VEPH1: variants seen among roughly 807,000 people sequenced by gnomAD.
VEPH1 encodes the protein ventricular zone expressed PH domain containing 1, also known as ventricular zone-expressed PH domain-containing protein homolog 1.
A neutral mutation model predicts 85.2 loss-of-function variants in VEPH1; 80 were observed. The observed-to-expected ratio is 0.94, with a 90% confidence interval of 0.78 to 1.13. The LOEUF (loss-of-function observed/expected upper bound fraction) is 1.13. VEPH1 is among the 50% of genes most tolerant of loss of function. The probability of loss-of-function intolerance (pLI) is 0.00; values close to 1 mark genes in which losing one functional copy is unlikely to be tolerated. For synonymous variants in VEPH1, 297 were observed against 348.0 expected, an observed-to-expected ratio of 0.85 and a Z score of 1.63; for missense variants, 955 against 980.5, an observed-to-expected ratio of 0.97 and a Z score of 0.35.
At chr3:157,391,310 G>A (rs888648859) in intron 6 of VEPH1, among the ~76,000 whole-genome samples, 1 of 152,238 alleles carries the variant, frequency 6.6e-6, no homozygotes, top group African/African-American at 2.4e-5. Flanking sequence ...GAGAGGCAGA[G>A]AGCCTCCTTT....
intron 4 of VEPH1, among the ~76,000 whole-genome samples, chr3:157,431,721 G>T (rs1733173556): frequency 6.6e-6 from 1 of 151,634 alleles, no homozygotes; most frequent in South Asian, 2.1e-4. Context: ...CCACATTCTT[G>T]CCAACATTTG....
chr3:157,310,959 T>A (rs548870975), intron 11 of VEPH1, among the ~76,000 whole-genome samples: 1 of 152,178 alleles, frequency 6.6e-6, no homozygotes, highest in South Asian at 2.1e-4. Context: ...ATCGCAAGGG[T>A]ATGTGTATCA....
At chr3:157,387,569 G>T (rs1452584977) in intron 6 of VEPH1, among the ~76,000 whole-genome samples, 2 of 152,240 alleles carry the variant, frequency 1.3e-5, no homozygotes, top group Non-Finnish European at 2.9e-5. Context: ...ACCATTTAGG[G>T]CAGCTCTGTA....
chr3:157,271,952 C>T (rs1032470359), intron 12 of VEPH1, among the ~76,000 whole-genome samples: 5 of 152,174 alleles, frequency 3.3e-5, no homozygotes, highest in African/African-American at 1.2e-4. Flanking sequence ...TAATATCAGC[C>T]ATTTAGTCCA....
Position 157,363,690 on chromosome 3 carries a change from C to T in VEPH1, c.1409G>A (p.Arg470Lys), listed in dbSNP as rs1353119120. 6.2e-7 allele frequency: 1 copy of T among 1,614,040 alleles called. No individual in the cohort carries two copies. The highest frequency in any genetic ancestry group is 8.5e-7 in the Non-Finnish European group (1 of 1,180,032). Residue 470 changes from arginine (R) to lysine (K), a missense_variant, in exon 9 of 14, where the codon AGG becomes AAG. Coordinates refer to ENST00000362010, the MANE Select transcript of VEPH1 (RefSeq NM_001167912.2). ...VGSDDGEDEN[R>K]GDIPASISLS... is the part of the protein sequence containing the mutation. ...AGAGATGCTGGCTGGTATGTCTCCC[C>T]TGTTTTCATCTTCGCCGTCATCTGA...
At chr3:157,375,347 T>A (rs906238041) in intron 7 of VEPH1, among the ~76,000 whole-genome samples, 2 of 152,186 alleles carry the variant, frequency 1.3e-5, no homozygotes, top group African/African-American at 4.8e-5. Context: ...CTTGGGGACA[T>A]GATGTCTAAG....
intron 1 of VEPH1, among the ~76,000 whole-genome samples, chr3:157,500,126 G>A (rs1006713140): frequency 6.6e-6 from 1 of 152,146 alleles, no homozygotes; most frequent in Non-Finnish European, 1.5e-5. Context: ...TATTGGATTT[G>A]TACTTTTAAA....
intron 6 of VEPH1, among the ~76,000 whole-genome samples, chr3:157,393,360 C>G (rs2108932318): frequency 6.6e-6 from 1 of 152,276 alleles, no homozygotes; most frequent in South Asian, 2.1e-4. Flanking sequence ...GCTGACACAA[C>G]TTCTTCATGA....
rs546797844 is a variant in VEPH1, at chr3:157,479,499, C to A, written c.139-8970G>T. Among the ~76,000 whole-genome samples, 3 of 152,246 alleles carry A rather than the reference C, an allele frequency of 2.0e-5. No individual in the cohort carries two copies. In the East Asian group the frequency reaches 5.8e-4, roughly 29 times the overall value. On this transcript the variant is annotated intron_variant, in intron 2 of 13. Coordinates refer to ENST00000362010, the MANE Select transcript of VEPH1 (RefSeq NM_001167912.2). Reference sequence around the variant, plus strand: ...TCTGAAAGCAGTCTTCAGGGAATGGCCCACTGGCAAAAGGGAGGGAATACC... The same window carrying A: ...TCTGAAAGCAGTCTTCAGGGAATGGACCACTGGCAAAAGGGAGGGAATACC...
chr3:157,322,706 G>A (rs963121620), intron 9 of VEPH1, among the ~76,000 whole-genome samples: 1 of 152,136 alleles, frequency 6.6e-6, no homozygotes, highest in East Asian at 1.9e-4. Context: ...AACAGGAGGA[G>A]TTTTCTTCTG....
In VEPH1 at chr3:157,429,206, AT is replaced by A. The variant is rs1294761503; in HGVS notation, c.530-719del. ...ATCTGCTTATCACTCTATGGTATAG[AT>A]TTTTTTTCTCAAAATCCTCACAAGT... On this transcript the variant is annotated intron_variant, in intron 4 of 13. Transcript: ENST00000362010. Among the ~76,000 whole-genome samples, 4 of 152,196 alleles carry A rather than the reference AT, an allele frequency of 2.6e-5. No individual in the cohort carries two copies. In the East Asian group the frequency reaches 7.7e-4, roughly 29 times the overall value.
At chr3:157,487,981 G>A (rs1384053945) in intron 2 of VEPH1, among the ~76,000 whole-genome samples, 1 of 152,076 alleles carries the variant, frequency 6.6e-6, no homozygotes, top group African/African-American at 2.4e-5. Context: ...AAGAGAGAAG[G>A]ATAACTCATT....
chr3:157,500,050 A>G (rs1043368840), intron 1 of VEPH1, among the ~76,000 whole-genome samples: 8 of 152,220 alleles, frequency 5.3e-5, no homozygotes, highest in Non-Finnish European at 1.0e-4. Context: ...ACTTCACAAC[A>G]TACGTACTCT....
At chr3:157,408,592 C>T (rs1731307957) in intron 6 of VEPH1, among the ~76,000 whole-genome samples, 1 of 152,090 alleles carries the variant, frequency 6.6e-6, no homozygotes, top group African/African-American at 2.4e-5. Flanking sequence ...CATTAACCTG[C>T]AAATTGCAAC....
chr3:157,389,348 A>G (rs76861243), intron 6 of VEPH1, among the ~76,000 whole-genome samples: 1 of 152,194 alleles, frequency 6.6e-6, no homozygotes, highest in Non-Finnish European at 1.5e-5. Context: ...AACAAAAAAA[A>G]GCATGAAGAT....
chr3:157,472,288 A>C (rs956205521), intron 2 of VEPH1, among the ~76,000 whole-genome samples: 1 of 152,188 alleles, frequency 6.6e-6, no homozygotes, highest in Non-Finnish European at 1.5e-5. Context: ...TCTTTTAACC[A>C]TTTGCTTAGC....
At chr3:157,462,075 G>A (rs115666866) in intron 3 of VEPH1, among the ~76,000 whole-genome samples, 2 of 147,300 alleles carry the variant, frequency 1.4e-5, no homozygotes, top group African/African-American at 2.5e-5. Context: ...AAATATAAAA[G>A]TATTATTTAT....
At chr3:157,424,302 C>T (rs1393835000) in intron 5 of VEPH1, among the ~76,000 whole-genome samples, 1 of 152,156 alleles carries the variant, frequency 6.6e-6, no homozygotes, top group Non-Finnish European at 1.5e-5. Context: ...AACTGTAAGT[C>T]GAATTAAACC....
chr3:157,427,433 A>G (rs1473113912), intron 5 of VEPH1, among the ~76,000 whole-genome samples: 2 of 151,732 alleles, frequency 1.3e-5, no homozygotes, highest in African/African-American at 2.4e-5. Flanking sequence ...GTTGCTTTTC[A>G]TTACTGTATC....
Sources: allele counts gnomAD v4.1 joint callset (sites outside exome capture counted in the v4.1 genomes callset), GRCh38; gene constraint gnomAD v4.1.1; transcripts MANE v1.5; gene names NCBI Gene and HGNC (gene_info 2026-07-23, HGNC 2026-07-21).